SPAG17: variants seen among roughly 807,000 people sequenced by gnomAD.
The protein encoded by SPAG17 is sperm-associated antigen 17.
SPAG17 carries 169 observed loss-of-function variants against 273.6 expected under a neutral mutation model. The observed-to-expected ratio is 0.62, with a 90% CI of 0.55 to 0.70. The LOEUF (loss-of-function observed/expected upper bound fraction) is 0.70. Ranked by LOEUF, SPAG17 falls within the 30% of genes least tolerant of loss-of-function variation. The pLI, the probability that SPAG17 is intolerant of heterozygous loss-of-function variation, is 0.00. For missense variants in SPAG17, 2,557 were observed against 2,627.8 expected, an observed-to-expected ratio of 0.97 and a Z score of 0.59; for synonymous variants, 825 against 873.2, an observed-to-expected ratio of 0.94 and a Z score of 0.97.
In SPAG17 at chr1:118,097,856, T is replaced by C. The variant is rs780469694; in HGVS notation, c.830-5A>G. On this transcript the variant is annotated splice_polypyrimidine_tract_variant and splice_region_variant and intron_variant, in intron 6 of 48. Coordinates refer to ENST00000336338, the MANE Select transcript of SPAG17 (RefSeq NM_206996.4). Reference sequence around the variant, plus strand: ...TCAATTTTTCTGCTTCTAGATCTAATAATAGCAACATGTTTATATTACCAA... The same window carrying C: ...TCAATTTTTCTGCTTCTAGATCTAACAATAGCAACATGTTTATATTACCAA... 3.8e-6 allele frequency: 6 copies of C among 1,560,410 alleles called. No individual in the cohort carries two copies. In the African/African-American group the frequency reaches 4.1e-5, roughly 11 times the overall value.
chr1:118,085,535 C>CGTGCGCGT (rs1558001259), intron 13 of SPAG17, among the ~76,000 whole-genome samples: 1 of 152,116 alleles, frequency 6.6e-6, no homozygotes, highest in East Asian at 1.9e-4. Flanking sequence ...CGCGTGCGCG[C>CGTGCGCGT]GCGCACACAC....
intron 38 of SPAG17, among the ~76,000 whole-genome samples, chr1:117,990,307 CAACAA>C (rs1353942575): frequency 7.9e-5 from 12 of 152,122 alleles, no homozygotes; most frequent in Admixed American, 7.9e-4. Flanking sequence ...GCCATATCGC[CAACAA>C]AACAAAACAA....
chr1:118,035,956 G>C (rs886073404), intron 24 of SPAG17, among the ~76,000 whole-genome samples: 1 of 152,166 alleles, frequency 6.6e-6, no homozygotes, highest in Non-Finnish European at 1.5e-5. Context: ...ACTTTGGGAG[G>C]CCAAGGTAGG....
At chr1:118,109,432 G>A (rs1409475831) in intron 4 of SPAG17, among the ~76,000 whole-genome samples, 1 of 149,564 alleles carries the variant, frequency 6.7e-6, no homozygotes, top group Non-Finnish European at 1.5e-5. Context: ...ACGCGTGCCT[G>A]TATTCCCAGC....
At chr1:118,109,827 T>C (rs1196165624) in intron 4 of SPAG17, among the ~76,000 whole-genome samples, 3 of 152,186 alleles carry the variant, frequency 2.0e-5, no homozygotes, top group East Asian at 3.9e-4. Flanking sequence ...TAAACAAAGG[T>C]ATAAGATCAC....
At chr1:118,111,893 G>A (rs898467527) in intron 4 of SPAG17, among the ~76,000 whole-genome samples, 7 of 152,068 alleles carry the variant, frequency 4.6e-5, no homozygotes, top group African/African-American at 1.7e-4. Flanking sequence ...GCTAGCAAAA[G>A]AAAGAACTAA....
intron 3 of SPAG17, among the ~76,000 whole-genome samples, chr1:118,133,806 C>T (rs957267976): frequency 6.6e-6 from 1 of 152,138 alleles, no homozygotes; most frequent in African/African-American, 2.4e-5. Context: ...CACCTAATAT[C>T]TGTTGTGAAA....
In SPAG17 at chr1:118,134,427, T is replaced by C. The variant is rs1658228811; in HGVS notation, c.315+16116A>G. Among the ~76,000 whole-genome samples, 4 of 152,294 alleles carry C rather than the reference T, an allele frequency of 2.6e-5. No homozygotes were observed. The East Asian group carries it at 5.8e-4, about 22-fold the overall frequency. ...TTAAGTACCTACCTAATATATGAGG[T>C]ATGCTTTCTCTATATTTTCCAAATT... is the stretch of plus-strand genomic sequence containing the variant. On this transcript the variant is annotated intron_variant, in intron 3 of 48. Coordinates refer to ENST00000336338, the MANE Select transcript of SPAG17 (RefSeq NM_206996.4).
At chr1:118,120,826 A>G (rs1436011887) in intron 3 of SPAG17, among the ~76,000 whole-genome samples, 4 of 152,232 alleles carry the variant, frequency 2.6e-5, no homozygotes, top group Admixed American at 2.6e-4. Context: ...TCCTGCCATG[A>G]AAATAGAAAA....
intron 25 of SPAG17, among the ~76,000 whole-genome samples, chr1:118,029,231 T>C (rs12022701): frequency 0.018 from 2,757 of 152,176 alleles, 137 homozygotes; most frequent in East Asian, 0.14. Flanking sequence ...AAGAAGTCCA[T>C]CTTAAATAAA....
At chr1:118,096,949 T>C (rs1018420916) in intron 7 of SPAG17, among the ~76,000 whole-genome samples, 2 of 152,070 alleles carry the variant, frequency 1.3e-5, no homozygotes, top group African/African-American at 2.4e-5. Flanking sequence ...AAATAAGATT[T>C]TGGGGCCAGG....
chr1:118,025,267 C>A lies in SPAG17; in HGVS notation c.3880G>T (p.Val1294Phe). 2.5e-6 allele frequency: 4 copies of A among 1,613,340 alleles called. No homozygotes were observed. The highest frequency in any genetic ancestry group is 3.4e-6 in the Non-Finnish European group (4 of 1,179,662). The change falls in exon 27 of 49, where the codon GTC becomes TTC. Residue 1294 changes from valine (V) to phenylalanine (F), a missense_variant. By Grantham distance (50) the Val-to-Phe change is conservative. Coordinates refer to ENST00000336338, the MANE Select transcript of SPAG17 (RefSeq NM_206996.4). ...SRVITSQGTV[V>F]KYMLDGSTQI... ...GTGGATCCATCCAACATATATTTGA[C>A]AACAGTGCCTTGACTGGTGATAACC...
At chr1:118,176,176 G>T (rs1660688599) in intron 1 of SPAG17, among the ~76,000 whole-genome samples, 1 of 152,122 alleles carries the variant, frequency 6.6e-6, no homozygotes, top group South Asian at 2.1e-4. Context: ...AAGGAAGACA[G>T]AAAGGAAGAG....
intron 3 of SPAG17, among the ~76,000 whole-genome samples, chr1:118,121,076 G>A (rs1037311015): frequency 6.6e-6 from 1 of 152,030 alleles, no homozygotes; most frequent in Admixed American, 6.5e-5. Context: ...TAGGCCAGGG[G>A]TGAGAGCAGC....
intron 1 of SPAG17, among the ~76,000 whole-genome samples, chr1:118,156,008 A>G (rs975833916): frequency 3.3e-5 from 5 of 152,254 alleles, no homozygotes; most frequent in Admixed American, 6.5e-5. Context: ...TAAAATGGGC[A>G]TACGTTGTTA....
intron 1 of SPAG17, among the ~76,000 whole-genome samples, chr1:118,153,713 G>C (rs956251356): frequency 6.6e-6 from 1 of 152,094 alleles, no homozygotes; most frequent in Non-Finnish European, 1.5e-5. Flanking sequence ...GCCGGGTGTG[G>C]TGGAGGGTGC....
chr1:117,960,132 G>T (rs1229671171), intron 48 of SPAG17: 1 of 150,972 alleles, frequency 6.6e-6, no homozygotes, highest in Non-Finnish European at 1.5e-5. Context: ...GTGTGTGTGT[G>T]TGTGTGTGTG....
chr1:118,022,712 G>C (rs779331643), intron 28 of SPAG17, among the ~76,000 whole-genome samples: 3 of 152,058 alleles, frequency 2.0e-5, no homozygotes, highest in Admixed American at 1.3e-4. Context: ...CCTGCTAGTA[G>C]TGCTGTCTCC....
chr1:118,077,626 T>G (rs1228760851), intron 15 of SPAG17, among the ~76,000 whole-genome samples: 2 of 152,126 alleles, frequency 1.3e-5, no homozygotes, highest in Admixed American at 6.6e-5. Context: ...CAGAGTGACT[T>G]CCCTGTCATT....
Sources: allele counts gnomAD v4.1 joint callset (sites outside exome capture counted in the v4.1 genomes callset), GRCh38; gene constraint gnomAD v4.1.1; transcripts MANE v1.5; gene names NCBI Gene and HGNC (gene_info 2026-07-23, HGNC 2026-07-21).